Variants in NAALADL2 observed in about 807,000 individuals in gnomAD.
The protein encoded by NAALADL2 is N-acetylated alpha-linked acidic dipeptidase like 2, also known as inactive N-acetylated-alpha-linked acidic dipeptidase-like protein 2.
In NAALADL2, 76 loss-of-function variants were observed where a neutral mutation model predicts 87.2. That is an observed-to-expected ratio of 0.87 (90% CI 0.72 to 1.05). The LOEUF (loss-of-function observed/expected upper bound fraction) is 1.05. NAALADL2 is among the 50% of genes least tolerant of loss of function. NAALADL2 has a pLI of 0.00. For synonymous variants in NAALADL2, 354 were observed against 331.0 expected, an observed-to-expected ratio of 1.07 and a Z score of -0.75; for missense variants, 1,089 against 945.8, an observed-to-expected ratio of 1.15 and a Z score of -1.99.
At chr3:175,594,401 C>T (rs530879351) in intron 10 of NAALADL2, among the ~76,000 whole-genome samples, 20 of 152,080 alleles carry the variant, frequency 1.3e-4, no homozygotes, top group Non-Finnish European at 2.8e-4. Flanking sequence ...CACTACTGAT[C>T]GGTACCTAGG....
At chr3:175,277,230 A>C (rs1449251198) in intron 4 of NAALADL2, among the ~76,000 whole-genome samples, 3 of 152,172 alleles carry the variant, frequency 2.0e-5, no homozygotes, top group Non-Finnish European at 4.4e-5. Flanking sequence ...AAAAACTTCT[A>C]CAGTGCCAAC....
At chr3:175,409,371 G>C (rs574944447) in intron 5 of NAALADL2, among the ~76,000 whole-genome samples, 3 of 151,934 alleles carry the variant, frequency 2.0e-5, no homozygotes, top group South Asian at 2.1e-4. Context: ...ATTTGTGATT[G>C]TATTCCATTT....
chr3:175,137,968 A>G (rs1269795792), intron 2 of NAALADL2, among the ~76,000 whole-genome samples: 2 of 152,144 alleles, frequency 1.3e-5, no homozygotes, highest in Admixed American at 1.3e-4. Flanking sequence ...ATAATGTCAA[A>G]CACCATCTTC....
chr3:174,849,542 C>A (rs1329291531), intron 3 of NAALADL2, among the ~76,000 whole-genome samples: 1 of 151,966 alleles, frequency 6.6e-6, no homozygotes. Flanking sequence ...CAAGACCAGC[C>A]CTGCCAACAC....
At chr3:175,299,529 C>G (rs1756782323) in intron 4 of NAALADL2, among the ~76,000 whole-genome samples, 1 of 151,640 alleles carries the variant, frequency 6.6e-6, no homozygotes, top group South Asian at 2.1e-4. Context: ...AAGTTGTATT[C>G]CTAGTTATTT....
At position 175,137,418 on chromosome 3, in the gene NAALADL2, T is replaced by TA. The variant is rs1160135551; in HGVS notation, c.545+40128dup. Among the ~76,000 whole-genome samples, 4 of 152,262 alleles carry TA rather than the reference T, an allele frequency of 2.6e-5. No individual in the cohort carries two copies. The East Asian group carries it at 7.7e-4, about 29-fold the overall frequency. On this transcript the variant is annotated intron_variant, in intron 2 of 13. Transcript: ENST00000454872. ...GTAATTATTTATAATGGCTGCATGC[T>TA]ATACTATAAAATGACATGCCTTAAT...
At chr3:175,578,259 G>A (rs1422001562) in intron 10 of NAALADL2, among the ~76,000 whole-genome samples, 1 of 151,956 alleles carries the variant, frequency 6.6e-6, no homozygotes, top group Admixed American at 6.6e-5. Flanking sequence ...TTATTTCTAC[G>A]CAATAATACA....
At chr3:174,746,582 T>A (rs950166790) in intron 3 of NAALADL2, among the ~76,000 whole-genome samples, 2 of 152,124 alleles carry the variant, frequency 1.3e-5, no homozygotes, top group Middle Eastern at 3.4e-3. Flanking sequence ...AAAAAAAAGC[T>A]TTAAAATTTA....
At chr3:174,877,669 C>G (rs556620198) in intron 1 of NAALADL2, among the ~76,000 whole-genome samples, 8 of 151,988 alleles carry the variant, frequency 5.3e-5, no homozygotes, top group Non-Finnish European at 8.8e-5. Flanking sequence ...CTATAGCTAT[C>G]TTAAAGTATT....
intron 10 of NAALADL2, among the ~76,000 whole-genome samples, chr3:175,592,998 A>G (rs571981207): frequency 6.6e-6 from 1 of 152,070 alleles, no homozygotes; most frequent in Non-Finnish European, 1.5e-5. Flanking sequence ...ATTCTTTTTT[A>G]AAAAAATTAA....
intron 2 of NAALADL2, among the ~76,000 whole-genome samples, chr3:175,129,758 T>G (rs952403380): frequency 2.0e-5 from 3 of 152,238 alleles, no homozygotes; most frequent in African/African-American, 7.2e-5. Flanking sequence ...TCTTGGCTAC[T>G]GTGAGTAATG....
At chr3:174,792,991 CTT>C (rs1231358447) in intron 3 of NAALADL2, among the ~76,000 whole-genome samples, 1 of 152,000 alleles carries the variant, frequency 6.6e-6, no homozygotes, top group Non-Finnish European at 1.5e-5. Context: ...AAAATAGTCA[CTT>C]TATCTTCCTA....
chr3:175,626,200 A>G (rs186298160), intron 10 of NAALADL2, among the ~76,000 whole-genome samples: 2 of 151,958 alleles, frequency 1.3e-5, no homozygotes, highest in East Asian at 1.9e-4. Flanking sequence ...TCTACTTACA[A>G]TGGTTTTTCT....
chr3:174,845,230 C>T (rs1724483650), intron 3 of NAALADL2, among the ~76,000 whole-genome samples: 2 of 152,112 alleles, frequency 1.3e-5, no homozygotes, highest in African/African-American at 4.8e-5. Context: ...TCCAGGCTGG[C>T]TGTTTTGTTG....
At chr3:175,152,941 T>G (rs963441391) in intron 2 of NAALADL2, among the ~76,000 whole-genome samples, 1 of 151,956 alleles carries the variant, frequency 6.6e-6, no homozygotes, top group Non-Finnish European at 1.5e-5. Flanking sequence ...TGTATCTAAA[T>G]ATGTTCCCAA....
chr3:175,667,249 GAA>G (rs1177307910), intron 11 of NAALADL2, among the ~76,000 whole-genome samples: 55 of 136,588 alleles, frequency 4.0e-4, no homozygotes, highest in African/African-American at 1.6e-3. Context: ...GAAAAAGAAA[GAA>G]AGAAAGAAAG....
At chr3:174,540,262 C>T (rs1169797978) in intron 1 of NAALADL2, among the ~76,000 whole-genome samples, 1 of 152,098 alleles carries the variant, frequency 6.6e-6, no homozygotes, top group Non-Finnish European at 1.5e-5. Context: ...CAGTGAAGGG[C>T]TGGCTTCTGG....
chr3:174,464,464 T>G (rs930395766), intron 1 of NAALADL2, among the ~76,000 whole-genome samples: 2 of 151,924 alleles, frequency 1.3e-5, no homozygotes, highest in African/African-American at 4.8e-5. Context: ...GTCTTATCAT[T>G]AAACTATTTA....
intron 11 of NAALADL2, among the ~76,000 whole-genome samples, chr3:175,714,212 G>A (rs1740927217): frequency 6.6e-6 from 1 of 152,128 alleles, no homozygotes; most frequent in African/African-American, 2.4e-5. Context: ...TGTCTTTATA[G>A]TAGAATGATT....
Sources: allele counts gnomAD v4.1 joint callset (sites outside exome capture counted in the v4.1 genomes callset), GRCh38; gene constraint gnomAD v4.1.1; transcripts MANE v1.5; gene names NCBI Gene and HGNC (gene_info 2026-07-23, HGNC 2026-07-21).